Variants in ANTXR2 observed in about 807,000 individuals in gnomAD.
ANTXR2 encodes the protein anthrax toxin receptor 2.
Under a neutral mutation model 73.7 loss-of-function variants are expected in ANTXR2, and 44 were observed. The observed-to-expected ratio is 0.60, with a 90% confidence interval of 0.47 to 0.77. The LOEUF is 0.77. ANTXR2 is among the 30% of genes least tolerant of loss of function. The pLI is 0.00. For missense variants in ANTXR2, 604 were observed against 592.5 expected (o/e 1.02, Z -0.20); for synonymous variants, 217 against 205.9 (o/e 1.05, Z -0.46).
At chr4:79,947,876 A>G (rs1475398072) in intron 16 of ANTXR2, among the ~76,000 whole-genome samples, 1 of 152,082 alleles carries the variant, frequency 6.6e-6, no homozygotes, top group East Asian at 1.9e-4. Context: ...TTTTGGCCCT[A>G]CCTTTTCATT....
At chr4:79,947,995 C>T (rs1055055619) in intron 16 of ANTXR2, among the ~76,000 whole-genome samples, 108 of 152,122 alleles carry the variant, frequency 7.1e-4, no homozygotes, top group African/African-American at 2.3e-3. Context: ...GTTGACTGTA[C>T]TCATTTCTAG....
intron 16 of ANTXR2, among the ~76,000 whole-genome samples, chr4:79,933,555 A>G (rs915305520): frequency 2.0e-5 from 3 of 151,854 alleles, no homozygotes; most frequent in Non-Finnish European, 4.4e-5. Context: ...TTATTTTATT[A>G]TTTTTTAAAT....
chr4:80,033,321 C>T, intron 9 of ANTXR2, 151 bp downstream of exon 9: 1 of 567,226 alleles, frequency 1.8e-6, no homozygotes, highest in Non-Finnish European at 3.1e-6. Flanking sequence ...AAATAATTAT[C>T]ACTACTATTT....
chr4:79,979,404 G>GA lies in ANTXR2; in HGVS notation c.1180-1231dup, dbSNP rs796606331. 4.9e-4 allele frequency among the ~76,000 whole-genome samples: 70 copies of GA among 143,126 alleles called. No individual in the cohort carries two copies. The East Asian group carries it at 7.0e-3, about 14-fold the overall frequency. 93.9% of individuals were successfully genotyped at this position (143,126 alleles called of 152,430 possible). Reference sequence around the variant, plus strand: ...ATCAGAGTTAAGTGATTTCTAAAAAGAAAAAAAAAAATCCTAAGACTTCCT... The same window carrying GA: ...ATCAGAGTTAAGTGATTTCTAAAAAGAAAAAAAAAAAATCCTAAGACTTCCT... On this transcript the variant is annotated intron_variant, in intron 14 of 16. Transcript: ENST00000403729.
intron 16 of ANTXR2, among the ~76,000 whole-genome samples, chr4:79,947,728 C>A (rs1728568064): frequency 6.6e-6 from 1 of 152,060 alleles, no homozygotes; most frequent in Admixed American, 6.6e-5. Context: ...TATAGACATG[C>A]ACAATAATTA....
At chr4:80,051,265 A>G (rs1733762781) in intron 7 of ANTXR2, among the ~76,000 whole-genome samples, 2 of 151,876 alleles carry the variant, frequency 1.3e-5, no homozygotes, top group East Asian at 3.9e-4. Flanking sequence ...TTCCTCCTCT[A>G]AATGTCCACA....
At chr4:79,988,267 ATATATATATATG>A (rs1446674942) in intron 12 of ANTXR2, among the ~76,000 whole-genome samples, 6 of 110,408 alleles carry the variant, frequency 5.4e-5, no homozygotes, top group African/African-American at 1.9e-4. Context: ...ATATATATAT[ATATATATATATG>A]TAGGCTGAAA....
At chr4:79,916,726 T>C (rs1426516353) in intron 16 of ANTXR2, among the ~76,000 whole-genome samples, 1 of 152,116 alleles carries the variant, frequency 6.6e-6, no homozygotes, top group African/African-American at 2.4e-5. Context: ...TATACATCTG[T>C]TAGAAAGAAT....
intron 11 of ANTXR2, among the ~76,000 whole-genome samples, chr4:80,014,556 C>T (rs1398895450): frequency 3.3e-5 from 5 of 151,838 alleles, no homozygotes; most frequent in African/African-American, 4.8e-5. Flanking sequence ...CAGAACAAGA[C>T]TCAGTCTCAA....
At chr4:79,912,668 C>T (rs1727192161) in intron 16 of ANTXR2, among the ~76,000 whole-genome samples, 1 of 152,028 alleles carries the variant, frequency 6.6e-6, no homozygotes, top group South Asian at 2.1e-4. Flanking sequence ...AGTAATTTCA[C>T]TTTAGGAATC....
At position 80,020,300 on chromosome 4, in the gene ANTXR2, C is replaced by T. The variant is rs149866802; in HGVS notation, c.867-1324G>A. ...ATTCAGGAGGCTGTGGCAGGAGGAT[C>T]GCTTGAGCCTGGGAGGTTGAGGCTG... On this transcript the variant is annotated intron_variant, in intron 10 of 16. Transcript: ENST00000403729. Among the ~76,000 whole-genome samples the T allele has an allele frequency of 7.7e-3, 1,164 of 152,030 alleles. 17 individuals are homozygous for T. Among genetic ancestry groups the T allele is most frequent in the African/African-American group, 0.027 (1,127 of 41,452 alleles).
intron 12 of ANTXR2, among the ~76,000 whole-genome samples, chr4:79,990,910 T>C (rs1730437675): frequency 1.3e-5 from 2 of 152,072 alleles, no homozygotes; most frequent in Admixed American, 1.3e-4. Context: ...TAGCTATATG[T>C]GGAAGACTGA....
At chr4:80,021,374 C>CT (rs1732156863) in intron 10 of ANTXR2, among the ~76,000 whole-genome samples, 1 of 151,902 alleles carries the variant, frequency 6.6e-6, no homozygotes, top group South Asian at 2.1e-4. Context: ...ATTGTCTTCC[C>CT]TAGTTCTTAA....
rs920436698 is a variant in ANTXR2, at chr4:79,901,182, G to A, written c.*6247C>T. The A allele has an allele frequency of 2.4e-4, 36 of 152,012 alleles. No homozygotes were observed. Among genetic ancestry groups the A allele is most frequent in the Admixed American group, 2.3e-3 (35 of 15,246 alleles). The allele number at this position is 152,012 out of a possible 1,614,324, so 9.4% of individuals were successfully genotyped here. A position where few individuals can be genotyped will look rare whatever the true frequency, so the allele number is the denominator to read the frequency against. On this transcript the variant is annotated 3_prime_UTR_variant, in exon 17 of 17. Transcript: ENST00000403729. ...AAAGAACTAAAAAGAACACTTTATT[G>A]TGATAATAATAATGGCTTCATTTCA...
chr4:80,028,943 G>A (rs921875809), intron 10 of ANTXR2, among the ~76,000 whole-genome samples: 6 of 152,068 alleles, frequency 3.9e-5, no homozygotes, highest in Non-Finnish European at 5.9e-5. Context: ...AAAATCTAAA[G>A]CTTTGCTTCA....
At chr4:80,023,475 G>A (rs1334651470) in intron 10 of ANTXR2, among the ~76,000 whole-genome samples, 1 of 152,182 alleles carries the variant, frequency 6.6e-6, no homozygotes, top group South Asian at 2.1e-4. Flanking sequence ...TAAAATGGCT[G>A]CAGTAACAAA....
intron 11 of ANTXR2, among the ~76,000 whole-genome samples, chr4:80,015,224 T>C (rs1211326576): frequency 1.3e-5 from 2 of 152,158 alleles, no homozygotes; most frequent in Non-Finnish European, 2.9e-5. Flanking sequence ...ACAATGAAAA[T>C]TCTTCTGATC....
intron 7 of ANTXR2, among the ~76,000 whole-genome samples, chr4:80,042,432 C>G (rs1033057001): frequency 6.6e-6 from 1 of 151,856 alleles, no homozygotes; most frequent in African/African-American, 2.4e-5. Context: ...TTTCTCTATA[C>G]TTTTTCTGGA....
chr4:80,001,377 T>C (rs1731027473), intron 12 of ANTXR2, among the ~76,000 whole-genome samples: 1 of 142,320 alleles, frequency 7.0e-6, no homozygotes, highest in African/African-American at 2.6e-5. Flanking sequence ...CCATGTGATC[T>C]CATTGTTCAA....
Sources: gnomAD v4.1 joint callset for allele counts (sites outside exome capture counted in the v4.1 genomes callset) on GRCh38, gnomAD v4.1.1 for gene constraint, MANE v1.5 for transcripts, NCBI Gene and HGNC (gene_info 2026-07-23, HGNC 2026-07-21) for gene names.